HIVEP1: variants seen among roughly 807,000 people sequenced by gnomAD.
HIVEP1 encodes the protein HIVEP zinc finger 1.
Under a neutral mutation model 180.0 loss-of-function variants are expected in HIVEP1, and 36 were observed. The observed-to-expected ratio is 0.20, with a 90% CI of 0.15 to 0.26. The LOEUF is 0.26. Ranked by LOEUF, HIVEP1 falls within the 10% of genes least tolerant of loss-of-function variation. HIVEP1 has a pLI of 1.00. For synonymous variants in HIVEP1, 1,239 were observed against 1,239.0 expected, an observed-to-expected ratio of 1.00 and a Z score of 0.00; for missense variants, 3,143 against 3,268.7, an observed-to-expected ratio of 0.96 and a Z score of 0.94.
At position 12,156,102 on chromosome 6, in the gene HIVEP1, T is replaced by A. The variant is rs184397298; in HGVS notation, c.6488-5337T>A. 1.0e-3 allele frequency among the ~76,000 whole-genome samples: 153 copies of A among 152,266 alleles called. 2 individuals carry two copies. The highest frequency in any genetic ancestry group is 6.0e-3 in the South Asian group (29 of 4,824). On this transcript the variant is annotated intron_variant, in intron 7 of 8. Transcript: ENST00000379388. The stretch of plus-strand genomic sequence containing the variant: ...TGCCTGCTTTTTAATCGGGTTACTT[T>A]TTTTCTTATAAATTTGTTTAAGTTC...
chr6:12,161,758 G>A lies in HIVEP1; in HGVS notation c.6807G>A (p.Arg2269=), dbSNP rs1760416871. The change falls in exon 8 of 9, where the codon AGG becomes AGA. Residue 2269 remains arginine, a synonymous_variant. Transcript: ENST00000379388. ...GCACAGCACAGTCTGACTACAATAG[G>A]AAGACACTCTCTCCGGGGAAGGCCA... ...VLSTAQSDYN[R]KTLSPGKARQ... 9.3e-6 allele frequency: 15 copies of A among 1,614,038 alleles called. No individual in the cohort carries two copies. The highest frequency in any genetic ancestry group is 1.3e-5 in the Non-Finnish European group (15 of 1,180,016).
chr6:12,127,970 T>C (rs1298749474), intron 4 of HIVEP1, among the ~76,000 whole-genome samples: 4 of 152,132 alleles, frequency 2.6e-5, no homozygotes, highest in African/African-American at 9.7e-5. Context: ...TGATTCACAA[T>C]GGGAAAGAAC....
intron 2 of HIVEP1, among the ~76,000 whole-genome samples, chr6:12,026,299 G>A (rs1768582653): frequency 6.6e-6 from 1 of 152,204 alleles, no homozygotes; most frequent in Non-Finnish European, 1.5e-5. Context: ...TTGGAGTGGA[G>A]TAAAGCAATG....
chr6:12,161,691 A>G lies in HIVEP1; in HGVS notation c.6740A>G (p.Asp2247Gly). 6.2e-7 allele frequency: 1 copy of G among 1,614,152 alleles called. No individual in the cohort carries two copies. Among genetic ancestry groups the G allele is most frequent in the East Asian group, 2.2e-5 (1 of 44,868 alleles). ...TCTGGGGTACACACGGACCCAATGG[A>G]CGTTCTGCCCAGGGCGCTGCTCACC... ...CFSGVHTDPMDVLPRALLTRM... is the reference protein window; with the variant it reads ...CFSGVHTDPMGVLPRALLTRM... Residue 2247 changes from aspartate (D) to glycine (G), a missense_variant, in exon 8 of 9, where the codon GAC (aspartate) becomes GGC (glycine). Asp to Gly is a moderately conservative substitution (Grantham distance 94). Coordinates refer to ENST00000379388, the MANE Select transcript of HIVEP1 (RefSeq NM_002114.4).
downstream of HIVEP1, among the ~76,000 whole-genome samples, chr6:12,169,221 A>G (rs976188945): frequency 6.6e-6 from 1 of 152,202 alleles, no homozygotes; most frequent in African/African-American, 2.4e-5. Context: ...TTCAATTTAC[A>G]ATAGATTCAT....
chr6:12,065,643 A>G (rs576781697), intron 2 of HIVEP1, among the ~76,000 whole-genome samples: 69 of 151,202 alleles, frequency 4.6e-4, no homozygotes, highest in African/African-American at 1.6e-3. Flanking sequence ...AATGGAGGTG[A>G]AGGGTGGTCT....
intron 2 of HIVEP1, among the ~76,000 whole-genome samples, chr6:12,042,391 T>TG (rs1457861918): frequency 6.7e-6 from 1 of 149,968 alleles, no homozygotes; most frequent in Non-Finnish European, 1.5e-5. Context: ...GCTTTTTTTT[T>TG]TTTTTTTGAG....
intron 2 of HIVEP1, among the ~76,000 whole-genome samples, chr6:12,024,979 G>A (rs368340737): frequency 1.4e-4 from 21 of 152,304 alleles, no homozygotes; most frequent in African/African-American, 4.6e-4. Context: ...TAAAAAGGGC[G>A]AACCTTTCCA....
intron 7 of HIVEP1, among the ~76,000 whole-genome samples, chr6:12,146,229 G>A (rs959414822): frequency 1.3e-5 from 2 of 152,260 alleles, no homozygotes; most frequent in African/African-American, 4.8e-5. Flanking sequence ...GATCATCTGA[G>A]GTCGGGAGTT....
intron 2 of HIVEP1, among the ~76,000 whole-genome samples, chr6:12,083,427 T>G (rs1735537288): frequency 6.6e-6 from 1 of 152,116 alleles, no homozygotes; most frequent in Admixed American, 6.6e-5. Flanking sequence ...TAGACAACTG[T>G]GTGTCAAGGG....
intron 2 of HIVEP1, among the ~76,000 whole-genome samples, chr6:12,044,957 C>T (rs940879184): frequency 6.6e-6 from 1 of 152,250 alleles, no homozygotes; most frequent in African/African-American, 2.4e-5. Flanking sequence ...GTGATGCTTG[C>T]CTGTAACCCA....
intron 3 of HIVEP1, among the ~76,000 whole-genome samples, chr6:12,107,771 C>T (rs1225514834): frequency 1.3e-5 from 2 of 152,122 alleles, no homozygotes; most frequent in Non-Finnish European, 2.9e-5. Flanking sequence ...GGGACCCGAG[C>T]GGGTTGCCAC....
At chr6:12,013,575 A>C (rs908372906) in intron 1 of HIVEP1, among the ~76,000 whole-genome samples, 3 of 152,194 alleles carry the variant, frequency 2.0e-5, no homozygotes, top group African/African-American at 7.2e-5. Flanking sequence ...GGATCACATG[A>C]TTGGATTACA....
intron 2 of HIVEP1, among the ~76,000 whole-genome samples, chr6:12,086,964 A>T (rs1287623540): frequency 6.6e-6 from 1 of 152,146 alleles, no homozygotes; most frequent in Admixed American, 6.6e-5. Flanking sequence ...TTATAAAAAC[A>T]CACTAAATAT....
chr6:12,080,479 T>C (rs1031794851), intron 2 of HIVEP1, among the ~76,000 whole-genome samples: 2 of 152,190 alleles, frequency 1.3e-5, no homozygotes, highest in Non-Finnish European at 2.9e-5. Context: ...AATAATTAGA[T>C]ATGTTAAGAG....
Position 12,135,182 on chromosome 6 carries a change from C to T in HIVEP1, c.6386-609C>T, listed in dbSNP as rs186593766. On this transcript the variant is annotated intron_variant, in intron 6 of 8. Coordinates refer to ENST00000379388, the MANE Select transcript of HIVEP1 (RefSeq NM_002114.4). ...TGGGCCATGTGGGAAAAACCCTAACCGCTTAAAAGTAAAACCCTATATCTA... is the reference window on the plus strand; with the variant it reads ...TGGGCCATGTGGGAAAAACCCTAACTGCTTAAAAGTAAAACCCTATATCTA... 2.1e-3 allele frequency among the ~76,000 whole-genome samples: 314 copies of T among 152,266 alleles called. 1 individual carries two copies. The highest frequency in any genetic ancestry group is 7.4e-3 in the Admixed American group (113 of 15,292).
chr6:12,112,046 G>A (rs1774929961), intron 3 of HIVEP1, among the ~76,000 whole-genome samples: 1 of 152,106 alleles, frequency 6.6e-6, no homozygotes, highest in Non-Finnish European at 1.5e-5. Context: ...TCATTTATAT[G>A]TATAGATCCA....
intron 2 of HIVEP1, among the ~76,000 whole-genome samples, chr6:12,087,803 TA>T (rs2113320608): frequency 6.6e-6 from 1 of 152,298 alleles, no homozygotes; most frequent in Admixed American, 6.5e-5. Context: ...CTAAAGTTTA[TA>T]AATAAGAAAA....
chr6:12,094,995 G>A (rs1003006118), intron 3 of HIVEP1, among the ~76,000 whole-genome samples: 3 of 151,932 alleles, frequency 2.0e-5, no homozygotes, highest in Non-Finnish European at 4.4e-5. Flanking sequence ...TTAGGAAGTT[G>A]TATTTTTCTT....
Sources: gnomAD v4.1 joint callset for allele counts (sites outside exome capture counted in the v4.1 genomes callset) on GRCh38, gnomAD v4.1.1 for gene constraint, MANE v1.5 for transcripts, NCBI Gene and HGNC (gene_info 2026-07-23, HGNC 2026-07-21) for gene names.